Variants in PTPRD observed in about 807,000 individuals in gnomAD.
PTPRD encodes protein tyrosine phosphatase receptor type D, also known as receptor-type tyrosine-protein phosphatase delta.
In PTPRD, 34 loss-of-function variants were observed where a neutral mutation model predicts 214.5. The ratio of observed to expected loss-of-function variants is 0.16; its 90% CI spans 0.12 to 0.21. The LOEUF (loss-of-function observed/expected upper bound fraction) is 0.21. Ranked by LOEUF, PTPRD falls within the 10% of genes least tolerant of loss-of-function variation. The pLI is 1.00. For missense variants in PTPRD, 2,545 were observed against 2,398.7 expected, an observed-to-expected ratio of 1.06 and a Z score of -1.27; for synonymous variants, 1,128 against 845.7, an observed-to-expected ratio of 1.33 and a Z score of -5.79.
chr9:8,499,325 T>G (rs1017891805), intron 25 of PTPRD, among the ~76,000 whole-genome samples: 5 of 152,176 alleles, frequency 3.3e-5, no homozygotes, highest in Non-Finnish European at 7.4e-5. Context: ...TTTAGAAATC[T>G]TCCCTTTGAC....
chr9:9,562,900 G>A (rs1183905492), intron 8 of PTPRD, among the ~76,000 whole-genome samples: 8 of 152,040 alleles, frequency 5.3e-5, no homozygotes, highest in Non-Finnish European at 1.0e-4. Flanking sequence ...TGGAATCCAA[G>A]CTCCATGTGG....
At chr9:8,986,095 G>A (rs2099343949) in intron 11 of PTPRD, among the ~76,000 whole-genome samples, 1 of 152,042 alleles carries the variant, frequency 6.6e-6, no homozygotes, top group South Asian at 2.1e-4. Context: ...AGTTATGCAT[G>A]GATTAGTGTG....
chr9:9,822,342 C>T (rs199923906), intron 5 of PTPRD, among the ~76,000 whole-genome samples: 4 of 150,940 alleles, frequency 2.7e-5, no homozygotes, highest in Non-Finnish European at 5.9e-5. Flanking sequence ...ACCTGGGAGG[C>T]GTAAGTTGCA....
chr9:8,929,781 G>GTATATATATGTGTATATATA (rs1567061797), intron 11 of PTPRD, among the ~76,000 whole-genome samples: 1 of 39,982 alleles, frequency 2.5e-5, no homozygotes, highest in African/African-American at 9.3e-5. Flanking sequence ...ATATATATGG[G>GTATATATATGTGTATATATA]TGTGTATATA....
intron 11 of PTPRD, among the ~76,000 whole-genome samples, chr9:8,795,251 G>A (rs973421521): frequency 7.2e-5 from 11 of 151,866 alleles, no homozygotes; most frequent in African/African-American, 1.9e-4. Flanking sequence ...TGCAACCTCC[G>A]CCTCCCAGGT....
At chr9:8,726,018 G>GACACACACAC (rs1434692999) in intron 12 of PTPRD, among the ~76,000 whole-genome samples, 1 of 133,078 alleles carries the variant, frequency 7.5e-6, no homozygotes, top group African/African-American at 3.5e-5. Context: ...CAGACAGACA[G>GACACACACAC]ACAGACAGAC....
intron 4 of PTPRD, among the ~76,000 whole-genome samples, chr9:9,945,874 C>G (rs1410234477): frequency 6.6e-6 from 1 of 152,070 alleles, no homozygotes; most frequent in Non-Finnish European, 1.5e-5. Context: ...ACACACAAAT[C>G]TATACGTACC....
chr9:8,562,600 C>G (rs1239383448), intron 14 of PTPRD, among the ~76,000 whole-genome samples: 1 of 151,950 alleles, frequency 6.6e-6, no homozygotes, highest in Non-Finnish European at 1.5e-5. Context: ...CCACGCCTGG[C>G]TAATTTTTAC....
chr9:9,866,928 G>C (rs902499806), intron 5 of PTPRD, among the ~76,000 whole-genome samples: 1 of 152,048 alleles, frequency 6.6e-6, no homozygotes, highest in South Asian at 2.1e-4. Context: ...CTTTTTGGTG[G>C]GGTGTAAGTA....
intron 2 of PTPRD, among the ~76,000 whole-genome samples, chr9:10,510,799 G>C (rs769045747): frequency 7.9e-5 from 12 of 152,018 alleles, no homozygotes; most frequent in Non-Finnish European, 1.5e-4. Flanking sequence ...CAAAACACTA[G>C]TTCTTACCTA....
chr9:8,405,283 T>A (rs1402274025), intron 35 of PTPRD, among the ~76,000 whole-genome samples: 1 of 152,190 alleles, frequency 6.6e-6, no homozygotes, highest in Non-Finnish European at 1.5e-5. Context: ...ATGAATAAGA[T>A]ACAACCCAAT....
chr9:8,370,008 T>C (rs2310), intron 39 of PTPRD, among the ~76,000 whole-genome samples: 87,023 of 151,572 alleles, frequency 0.57, 27,965 homozygotes, highest in Non-Finnish European at 0.74. Context: ...TAAAACAACA[T>C]AAGGAACAAG....
intron 24 of PTPRD, among the ~76,000 whole-genome samples, chr9:8,500,388 A>G (rs967953437): frequency 2.6e-5 from 4 of 151,768 alleles, no homozygotes; most frequent in Admixed American, 2.6e-4. Context: ...AAAGGTAAGA[A>G]GGTAGTTTTG....
chr9:10,133,690 AATAG>A, intron 3 of PTPRD, among the ~76,000 whole-genome samples: 1 of 152,284 alleles, frequency 6.6e-6, no homozygotes, highest in East Asian at 1.9e-4. Context: ...TATGTTCACC[AATAG>A]ATAGTAACAA....
intron 12 of PTPRD, among the ~76,000 whole-genome samples, chr9:8,670,420 T>C (rs1207902509): frequency 6.6e-6 from 1 of 152,140 alleles, no homozygotes; most frequent in Non-Finnish European, 1.5e-5. Flanking sequence ...CTTGAATGTA[T>C]GGATTATAGT....
chr9:8,380,014 C>T (rs1196478123), intron 37 of PTPRD, among the ~76,000 whole-genome samples: 1 of 152,056 alleles, frequency 6.6e-6, no homozygotes, highest in Admixed American at 6.6e-5. Context: ...ACCCAAATGG[C>T]TGGCACAAAC....
chr9:9,437,248 C>T (rs530903664), intron 8 of PTPRD, among the ~76,000 whole-genome samples: 96 of 152,202 alleles, frequency 6.3e-4, no homozygotes, highest in Middle Eastern at 3.4e-3. Context: ...AAAGATGGCT[C>T]TTTGAAATTC....
intron 8 of PTPRD, among the ~76,000 whole-genome samples, chr9:9,431,318 G>A (rs891174082): frequency 2.6e-5 from 4 of 152,224 alleles, no homozygotes; most frequent in African/African-American, 9.6e-5. Flanking sequence ...CATCATCACT[G>A]GCCATCAGAG....
chr9:9,812,807 C>A (rs1235800770), intron 5 of PTPRD, among the ~76,000 whole-genome samples: 1 of 151,924 alleles, frequency 6.6e-6, no homozygotes, highest in Non-Finnish European at 1.5e-5. Flanking sequence ...GCAGAAAATG[C>A]CATTTAAGAA....
Sources: allele counts gnomAD v4.1 joint callset (sites outside exome capture counted in the v4.1 genomes callset), GRCh38; gene constraint gnomAD v4.1.1; transcripts MANE v1.5; gene names NCBI Gene and HGNC (gene_info 2026-07-23, HGNC 2026-07-21).